The following DERA variants were observed in gnomAD, a reference collection of about 807,000 sequenced individuals.
DERA encodes 2-deoxy-D-ribose 5-phosphate aldolase.
In DERA, 15 loss-of-function variants were observed where a neutral mutation model predicts 41.1. The observed-to-expected ratio is 0.37, with a 90% confidence interval of 0.24 to 0.56. The LOEUF (loss-of-function observed/expected upper bound fraction) is 0.56, where lower values mean the gene tolerates loss of function less well. DERA is among the 20% of genes least tolerant of loss of function. DERA has a pLI of 0.81. For synonymous variants in DERA, 139 were observed against 137.4 expected (o/e 1.01, Z -0.08); for missense variants, 396 against 403.4 (o/e 0.98, Z 0.16).
In DERA at chr12:16,013,663, A is replaced by C. The variant is rs1353071959; in HGVS notation, c.638-18879A>C. Among the ~76,000 whole-genome samples the C allele has an allele frequency of 6.6e-6, 1 of 152,256 alleles. No individual in the cohort carries two copies. Among genetic ancestry groups the C allele is most frequent in the East Asian group, 1.9e-4 (1 of 5,204 alleles). On this transcript the variant is annotated intron_variant, in intron 6 of 8. Transcript: ENST00000428559. The surrounding 1 kb of genome is among the most constrained non-coding windows in gnomAD (Gnocchi z 5.8). ...TAAATTGGTACCGAGGTAGTGGGAC[A>C]CTGCTATAAGGATACCCGAAAATGC...
rs1186761077 is a variant in DERA at position 15,924,255 on chromosome 12, C to T, written c.31+12841C>T. 6.6e-6 allele frequency among the ~76,000 whole-genome samples: 1 copy of T among 152,018 alleles called. No homozygotes were observed. The highest frequency in any genetic ancestry group is 6.6e-5 in the Admixed American group (1 of 15,266). On this transcript the variant is annotated intron_variant, in intron 1 of 8. Coordinates refer to ENST00000428559, the MANE Select transcript of DERA (RefSeq NM_015954.4). This position sits in a 1 kb window ranked among gnomAD's most constrained non-coding sequence, Gnocchi z 5.0. ...TTAGCCTGGGCAATATAGCAGACTC[C>T]AACAAAAAGTTTCAAAATTAGCTGG...
At chr12:15,962,234 TA>T (rs1948593173) in intron 4 of DERA, among the ~76,000 whole-genome samples, 2 of 152,218 alleles carry the variant, frequency 1.3e-5, no homozygotes, top group Non-Finnish European at 1.5e-5. Context: ...GTGGACTAAT[TA>T]GGTGTGTTTT....
Position 15,922,265 on chromosome 12 carries a change from C to G in DERA, c.31+10851C>G, listed in dbSNP as rs144746687. ...GCCATCATCAGGATATGCACTTGCC[C>G]TGTTTGAAATGATTAGCCAGTCAAC... On this transcript the variant is annotated intron_variant, in intron 1 of 8. Coordinates refer to ENST00000428559, the MANE Select transcript of DERA (RefSeq NM_015954.4). This position sits in a 1 kb window ranked among gnomAD's most constrained non-coding sequence, Gnocchi z 4.9. Among the ~76,000 whole-genome samples, 440 of 152,268 alleles carry G rather than the reference C, an allele frequency of 2.9e-3. 1 individual carries two copies. The highest frequency in any genetic ancestry group is 8.8e-3 in the African/African-American group (364 of 41,550).
rs1053962421 is a variant in DERA, at chr12:15,942,665, G to T, written c.32-14271G>T. On this transcript the variant is annotated intron_variant, in intron 1 of 8. Coordinates refer to ENST00000428559, the MANE Select transcript of DERA (RefSeq NM_015954.4). ...TCAGTAATCAGTGAATGCCTGGCAT[G>T]CTGGGAGTGTTAGTTTTGTTATGTC... Among the ~76,000 whole-genome samples, 4 of 152,304 alleles carry T rather than the reference G, an allele frequency of 2.6e-5. No homozygotes were observed. In the East Asian group the frequency reaches 7.7e-4, roughly 29 times the overall value.
chr12:15,962,959 C>A lies in DERA; in HGVS notation c.508+12C>A. ...AGGCCAGTGGGAAGGTAGGTGCATGCTTTTACCTAAGAGAGTTTCACCATT... is the reference window on the plus strand; with the variant it reads ...AGGCCAGTGGGAAGGTAGGTGCATGATTTTACCTAAGAGAGTTTCACCATT... On this transcript the variant is annotated intron_variant, in intron 5 of 8. Transcript: ENST00000428559. 1 of 1,602,724 alleles carries A rather than the reference C, an allele frequency of 6.2e-7. No homozygotes were observed.
At chr12:15,926,563 C>CCT (rs1948285562) in intron 1 of DERA, among the ~76,000 whole-genome samples, 2 of 151,694 alleles carry the variant, frequency 1.3e-5, no homozygotes, top group Admixed American at 1.3e-4. Context: ...GGTGAAACAG[C>CCT]GTCTCTACTA....
chr12:15,991,306 T>C (rs1423276587), intron 6 of DERA, among the ~76,000 whole-genome samples: 1 of 152,172 alleles, frequency 6.6e-6, no homozygotes, highest in East Asian at 1.9e-4. Context: ...TGGGGTTGTT[T>C]GCTTTTTCTT....
rs1949052186 is a variant in DERA at position 16,026,239 on chromosome 12, T to C, written c.638-6303T>C. On this transcript the variant is annotated intron_variant, in intron 6 of 8. Coordinates refer to ENST00000428559, the MANE Select transcript of DERA (RefSeq NM_015954.4). The surrounding 1 kb of genome is among the most constrained non-coding windows in gnomAD (Gnocchi z 4.4). ...ACAGAGAAATTTTTTTTTTTAAATA[T>C]CCTAAAAGCTACTTTTTTTTTTCTC... 6.6e-6 allele frequency among the ~76,000 whole-genome samples: 1 copy of C among 150,948 alleles called. No homozygotes were observed. Among genetic ancestry groups the C allele is most frequent in the Non-Finnish European group, 1.5e-5 (1 of 67,724 alleles).
Position 15,943,286 on chromosome 12 carries a change from A to T in DERA, c.32-13650A>T, listed in dbSNP as rs1034331026. On this transcript the variant is annotated intron_variant, in intron 1 of 8. Transcript: ENST00000428559. This position sits in a 1 kb window ranked among gnomAD's most constrained non-coding sequence, Gnocchi z 4.5. Reference sequence around the variant, plus strand: ...AAGACAAATTTTAAACGCAGAGTAGAAAAGCAATAGTCAGTTGATTGATGA... The same window carrying T: ...AAGACAAATTTTAAACGCAGAGTAGTAAAGCAATAGTCAGTTGATTGATGA... Among the ~76,000 whole-genome samples the T allele has an allele frequency of 3.9e-5, 6 of 152,232 alleles. No homozygotes were observed. The highest frequency in any genetic ancestry group is 1.2e-4 in the African/African-American group (5 of 41,458).
At chr12:15,973,144 G>A (rs1314982772) in intron 5 of DERA, among the ~76,000 whole-genome samples, 1 of 152,180 alleles carries the variant, frequency 6.6e-6, no homozygotes, top group Non-Finnish European at 1.5e-5. Flanking sequence ...TGTGGCAGTA[G>A]TAGGAGGGAT....
In DERA at chr12:15,957,531, C is replaced by A. The variant is rs1392859418; in HGVS notation, c.129+498C>A. 6.6e-6 allele frequency among the ~76,000 whole-genome samples: 1 copy of A among 152,248 alleles called. No individual in the cohort carries two copies. The highest frequency in any genetic ancestry group is 1.9e-4 in the East Asian group (1 of 5,174). On this transcript the variant is annotated intron_variant, in intron 2 of 8. Coordinates refer to ENST00000428559, the MANE Select transcript of DERA (RefSeq NM_015954.4). The surrounding 1 kb of genome is among the most constrained non-coding windows in gnomAD (Gnocchi z 4.8). ...GAGTACTTGCGGTCAGCATTTTCTTCAGTGTATCCCAACCAAAGACGTGCT... is the reference window on the plus strand; with the variant it reads ...GAGTACTTGCGGTCAGCATTTTCTTAAGTGTATCCCAACCAAAGACGTGCT...
At position 15,995,838 on chromosome 12, in the gene DERA, GA is replaced by G. The variant is rs1948833008; in HGVS notation, c.637+13404del. On this transcript the variant is annotated intron_variant, in intron 6 of 8. Transcript: ENST00000428559. The surrounding 1 kb of genome is among the most constrained non-coding windows in gnomAD (Gnocchi z 5.1). ...TTGTAATATTATGTTCAAATACTTG[GA>G]AGATTTTCCTGATAAAGGAAGATTT... 6.6e-6 allele frequency among the ~76,000 whole-genome samples: 1 copy of G among 152,182 alleles called. No homozygotes were observed. Among genetic ancestry groups the G allele is most frequent in the African/African-American group, 2.4e-5 (1 of 41,454 alleles).
At position 16,009,215 on chromosome 12, in the gene DERA, A is replaced by T. The variant is rs1592048470; in HGVS notation, c.638-23327A>T. On this transcript the variant is annotated intron_variant, in intron 6 of 8. Coordinates refer to ENST00000428559, the MANE Select transcript of DERA (RefSeq NM_015954.4). The surrounding 1 kb of genome is among the most constrained non-coding windows in gnomAD (Gnocchi z 5.3). ...GTATGGTTGTCAATCAGAATGAACT[A>T]GAATCTAAGATGCTTTTGGGTGAGT... Among the ~76,000 whole-genome samples the T allele has an allele frequency of 6.6e-6, 1 of 152,208 alleles. No individual in the cohort carries two copies. Among genetic ancestry groups the T allele is most frequent in the Non-Finnish European group, 1.5e-5 (1 of 68,042 alleles).
chr12:15,971,940 T>C, intron 5 of DERA: 1 of 299,990 alleles, frequency 3.3e-6, no homozygotes. Context: ...TGAATTTCTT[T>C]TTGGCTTCTG....
chr12:15,926,600 GTGGC>G (rs1565585287), intron 1 of DERA, among the ~76,000 whole-genome samples: 1 of 152,096 alleles, frequency 6.6e-6, no homozygotes, highest in Non-Finnish European at 1.5e-5. Context: ...GCCGGGCGTG[GTGGC>G]GGGCGCCTGT....
rs774948464 is a variant in DERA at position 15,972,908 on chromosome 12, G to C, written c.509-9400G>C. On this transcript the variant is annotated intron_variant, in intron 5 of 8. Coordinates refer to ENST00000428559, the MANE Select transcript of DERA (RefSeq NM_015954.4). The surrounding 1 kb of genome is among the most constrained non-coding windows in gnomAD (Gnocchi z 4.4). ...GGCGTGCGGGGACAGCATTGCAGAA[G>C]GTAGGGCCAGTTGTCAACCTGATTT... 1.3e-5 allele frequency among the ~76,000 whole-genome samples: 2 copies of C among 152,202 alleles called. No homozygotes were observed. The highest frequency in any genetic ancestry group is 2.9e-5 in the Non-Finnish European group (2 of 68,048).
At chr12:15,951,357 T>G (rs77897889) in intron 1 of DERA, 4,334 of 152,388 alleles carry the variant, frequency 0.028, 76 homozygotes, top group South Asian at 0.045. Flanking sequence ...GACATCATCA[T>G]TTCTGCCTGA....
At chr12:15,923,547 A>G (rs1948261115) in intron 1 of DERA, among the ~76,000 whole-genome samples, 1 of 152,146 alleles carries the variant, frequency 6.6e-6, no homozygotes, top group Non-Finnish European at 1.5e-5. Context: ...TTTCAGCCCT[A>G]TCTCTGATGA....
intron 1 of DERA, among the ~76,000 whole-genome samples, chr12:15,949,892 G>T (rs537984111): frequency 6.6e-6 from 1 of 152,256 alleles, no homozygotes; most frequent in East Asian, 1.9e-4. Context: ...TGACAAAACT[G>T]ATTTCATGAC....
Sources: allele counts gnomAD v4.1 joint callset (sites outside exome capture counted in the v4.1 genomes callset), GRCh38; gene constraint gnomAD v4.1.1; non-coding constraint Gnocchi (gnomAD v3.1); transcripts MANE v1.5; gene names NCBI Gene and HGNC (gene_info 2026-07-23, HGNC 2026-07-21).